The following IFNG-AS1 variants were observed in gnomAD, a reference collection of about 807,000 sequenced individuals.
The protein encoded by IFNG-AS1 is IFNG antisense RNA 1 (non-protein coding).
intron 1 of IFNG-AS1, among the ~76,000 whole-genome samples, chr12:67,990,091 G>A (rs1025931097): frequency 6.6e-6 from 1 of 152,138 alleles, no homozygotes; most frequent in Non-Finnish European, 1.5e-5. Flanking sequence ...ATAATTTAGG[G>A]TGATTTTTTA....
At chr12:68,010,161 G>A (rs1240977881) in intron 3 of IFNG-AS1, among the ~76,000 whole-genome samples, 1 of 152,178 alleles carries the variant, frequency 6.6e-6, no homozygotes, top group Admixed American at 6.5e-5. Flanking sequence ...TCATTGATAA[G>A]CTTGATGCTG....
chr12:68,001,829 G>C lies in IFNG-AS1; in HGVS notation n.185-4261G>C, dbSNP rs540629603. 2.6e-5 allele frequency among the ~76,000 whole-genome samples: 4 copies of C among 152,132 alleles called. No homozygotes were observed. In the South Asian group the frequency reaches 8.3e-4, roughly 32 times the overall value. On this transcript the variant is annotated intron_variant and non_coding_transcript_variant, in intron 2 of 5. Transcript: ENST00000536914. ...ACCAGAACACAGACCTAAAAACAAA[G>C]GTTTAATATTCTGCTACTGAAACAT...
chr12:68,015,702 G>C (rs558327930), intron 3 of IFNG-AS1, among the ~76,000 whole-genome samples: 3 of 152,224 alleles, frequency 2.0e-5, no homozygotes, highest in South Asian at 4.2e-4. Flanking sequence ...ATAGTAAAGA[G>C]GAGTCAAAGA....
At position 68,009,734 on chromosome 12, in the gene IFNG-AS1, G is replaced by A. The variant is rs148755115; in HGVS notation, n.241+3588G>A. On this transcript the variant is annotated intron_variant and non_coding_transcript_variant, in intron 3 of 5. Coordinates refer to ENST00000536914, the Ensembl canonical transcript of IFNG-AS1. ...GGGCAACTGGGCAGCTCTCCTCCATGCAGTCATTCCGAGATCTTGTCTTTT... is the reference window on the plus strand; with the variant it reads ...GGGCAACTGGGCAGCTCTCCTCCATACAGTCATTCCGAGATCTTGTCTTTT... Among the ~76,000 whole-genome samples, 367 of 152,220 alleles carry A rather than the reference G, an allele frequency of 2.4e-3. 3 individuals carry two copies. Among genetic ancestry groups the A allele is most frequent in the African/African-American group, 8.3e-3 (346 of 41,532 alleles).
At position 68,009,123 on chromosome 12, in the gene IFNG-AS1, A is replaced by G. The variant is rs550575191; in HGVS notation, n.241+2977A>G. 5.3e-4 allele frequency among the ~76,000 whole-genome samples: 81 copies of G among 152,338 alleles called. 1 individual carries two copies. In the South Asian group the frequency reaches 0.016, roughly 30 times the overall value. The stretch of plus-strand genomic sequence containing the variant: ...TATTCATCTTTTAAGTAAAGATTAA[A>G]AACATCCTACATTGTAAGGTTCTTG... On this transcript the variant is annotated intron_variant and non_coding_transcript_variant, in intron 3 of 5. Coordinates refer to ENST00000536914, the Ensembl canonical transcript of IFNG-AS1.
chr12:68,003,905 CAAA>C (rs60693550), intron 2 of IFNG-AS1, among the ~76,000 whole-genome samples: 29 of 97,768 alleles, frequency 3.0e-4, no homozygotes, highest in Admixed American at 5.9e-4. Context: ...ACTCCGTCTC[CAAA>C]AAAAAAAAAA....
At chr12:68,002,296 C>T (rs1326124093) in intron 2 of IFNG-AS1, among the ~76,000 whole-genome samples, 1 of 152,220 alleles carries the variant, frequency 6.6e-6, no homozygotes, top group Non-Finnish European at 1.5e-5. Context: ...ATAGCACACA[C>T]CCAGCACTGC....
At chr12:68,001,144 G>A (rs979424783) in intron 2 of IFNG-AS1, among the ~76,000 whole-genome samples, 4 of 152,092 alleles carry the variant, frequency 2.6e-5, no homozygotes, top group African/African-American at 9.7e-5. Flanking sequence ...ATACATATGT[G>A]TGTGTATATA....
At chr12:67,997,105 C>T (rs911539307) in intron 2 of IFNG-AS1, among the ~76,000 whole-genome samples, 12 of 151,790 alleles carry the variant, frequency 7.9e-5, no homozygotes, top group African/African-American at 2.7e-4. Flanking sequence ...GAACATGAAA[C>T]ACTTAAATAA....
chr12:67,993,203 G>A lies in IFNG-AS1; in HGVS notation n.52-2738G>A, dbSNP rs1048160146. On this transcript the variant is annotated intron_variant and non_coding_transcript_variant, in intron 1 of 5. Transcript: ENST00000536914. ...TTTAATTTCTGAATTTCATTGGGCAGATGAAAGTTCCTCTGTTTCTTTAGA... is the reference window on the plus strand; with the variant it reads ...TTTAATTTCTGAATTTCATTGGGCAAATGAAAGTTCCTCTGTTTCTTTAGA... Among the ~76,000 whole-genome samples the A allele has an allele frequency of 1.4e-4, 21 of 152,162 alleles. No homozygotes were observed. The East Asian group carries it at 3.8e-3, about 28-fold the overall frequency.
chr12:67,989,575 C>A (rs754321374), exon 1 of IFNG-AS1: 2 of 152,054 alleles, frequency 1.3e-5, no homozygotes, highest in South Asian at 2.1e-4. Context: ...ACTAGCACAA[C>A]GAGGGTGAGA....
intron 3 of IFNG-AS1, among the ~76,000 whole-genome samples, chr12:68,009,370 T>C (rs981599526): frequency 6.6e-6 from 1 of 152,216 alleles, no homozygotes; most frequent in African/African-American, 2.4e-5. Flanking sequence ...TTTGAGACAG[T>C]CTCGCTCTGT....
intron 1 of IFNG-AS1, among the ~76,000 whole-genome samples, chr12:67,993,208 A>C (rs551292401): frequency 2.0e-5 from 3 of 152,320 alleles, no homozygotes; most frequent in African/African-American, 7.2e-5. Context: ...GGGCAGATGA[A>C]AGTTCCTCTG....
chr12:68,013,568 G>C (rs1308990283), intron 3 of IFNG-AS1: 3 of 152,202 alleles, frequency 2.0e-5, no homozygotes, highest in Non-Finnish European at 4.4e-5. Flanking sequence ...ATGGTTAATT[G>C]TATGTGTTCC....
intron 2 of IFNG-AS1, among the ~76,000 whole-genome samples, chr12:68,000,505 A>G (rs959860076): frequency 1.3e-5 from 2 of 152,068 alleles, no homozygotes; most frequent in Non-Finnish European, 2.9e-5. Context: ...CTATCTCTAT[A>G]GAAATAAAAA....
At chr12:67,992,390 G>T (rs141917695) in intron 1 of IFNG-AS1, among the ~76,000 whole-genome samples, 1 of 152,022 alleles carries the variant, frequency 6.6e-6, no homozygotes, top group Non-Finnish European at 1.5e-5. Context: ...TTTCTATCTC[G>T]AATAATGTTG....
intron 2 of IFNG-AS1, among the ~76,000 whole-genome samples, chr12:67,998,544 G>T (rs186716472): frequency 7.2e-5 from 11 of 151,982 alleles, no homozygotes; most frequent in African/African-American, 2.7e-4. Context: ...TGCAGGGGAT[G>T]ATGGGGGTGG....
intron 2 of IFNG-AS1, among the ~76,000 whole-genome samples, chr12:68,000,978 G>A (rs1879753812): frequency 2.0e-5 from 3 of 152,198 alleles, no homozygotes; most frequent in Admixed American, 6.5e-5. Flanking sequence ...TAGGTATAAA[G>A]GCCTGGCATC....
At chr12:68,016,285 A>G (rs1880155027) in intron 3 of IFNG-AS1, among the ~76,000 whole-genome samples, 1 of 152,158 alleles carries the variant, frequency 6.6e-6, no homozygotes, top group Non-Finnish European at 1.5e-5. Flanking sequence ...CCTGCCTCAG[A>G]ATCACTCAAA....
Sources: allele counts gnomAD v4.1 joint callset (sites outside exome capture counted in the v4.1 genomes callset), GRCh38; gene constraint gnomAD v4.1.1; transcripts MANE v1.5; gene names NCBI Gene and HGNC (gene_info 2026-07-23, HGNC 2026-07-21).